BRINP3: variants seen among roughly 807,000 people sequenced by gnomAD.
BRINP3 encodes BMP/retinoic acid inducible neural specific 3.
In BRINP3, 19 loss-of-function variants were observed where a neutral mutation model predicts 71.0. That is an observed-to-expected ratio of 0.27 (90% CI 0.19 to 0.39). BRINP3 has a LOEUF of 0.39. Among genes scored for constraint, BRINP3 ranks in the 10% least tolerant of loss-of-function variants. BRINP3 has a pLI of 1.00. For synonymous variants in BRINP3, 380 were observed against 337.7 expected (o/e 1.13, Z -1.37); for missense variants, 959 against 940.8 (o/e 1.02, Z -0.25).
At chr1:190,462,223 A>G (rs1676444331) in intron 1 of BRINP3, among the ~76,000 whole-genome samples, 1 of 152,120 alleles carries the variant, frequency 6.6e-6, no homozygotes, top group Non-Finnish European at 1.5e-5. Flanking sequence ...AAAGCAAGAT[A>G]TTCTTAATGT....
At chr1:190,474,997 A>G (rs1677409077) in intron 1 of BRINP3, among the ~76,000 whole-genome samples, 1 of 152,084 alleles carries the variant, frequency 6.6e-6, no homozygotes, top group East Asian at 1.9e-4. Context: ...TAAGCTAGAC[A>G]GATTCCAAAC....
At chr1:190,459,147 A>T (rs565004370) in intron 1 of BRINP3, among the ~76,000 whole-genome samples, 8 of 151,558 alleles carry the variant, frequency 5.3e-5, no homozygotes, top group South Asian at 4.2e-4. Context: ...AAAAAAAAAA[A>T]AAATAACTGT....
chr1:190,477,319 A>G (rs1256937811), intron 1 of BRINP3, 129 bp downstream of exon 1: 1 of 152,242 alleles, frequency 6.6e-6, no homozygotes, highest in Non-Finnish European at 1.5e-5. Context: ...TAATTAATAA[A>G]TATGGCCATA....
At chr1:190,296,442 T>C (rs1033384808) in intron 2 of BRINP3, among the ~76,000 whole-genome samples, 1 of 152,054 alleles carries the variant, frequency 6.6e-6, no homozygotes, top group African/African-American at 2.4e-5. Context: ...GGATTATATA[T>C]GACAATCCTA....
At chr1:190,133,029 T>C (rs1340990972) in intron 7 of BRINP3, among the ~76,000 whole-genome samples, 1 of 152,066 alleles carries the variant, frequency 6.6e-6, no homozygotes, top group Non-Finnish European at 1.5e-5. Flanking sequence ...GGCCTACATA[T>C]GACTGCAGTC....
chr1:190,417,915 C>T (rs563076329), intron 2 of BRINP3, among the ~76,000 whole-genome samples: 14 of 152,194 alleles, frequency 9.2e-5, no homozygotes, highest in Non-Finnish European at 1.8e-4. Flanking sequence ...TTATTCAACT[C>T]GATTCTGATC....
chr1:190,386,453 T>C (rs979940785), intron 2 of BRINP3, among the ~76,000 whole-genome samples: 1 of 151,760 alleles, frequency 6.6e-6, no homozygotes, highest in Non-Finnish European at 1.5e-5. Context: ...AGTTTTATTA[T>C]TTTAAATGTC....
intron 2 of BRINP3, among the ~76,000 whole-genome samples, chr1:190,287,366 T>C (rs1318435225): frequency 1.3e-5 from 2 of 152,184 alleles, no homozygotes; most frequent in South Asian, 4.1e-4. Flanking sequence ...ATAAAACAGC[T>C]AAATGCTCAG....
In BRINP3 at chr1:190,191,487, T is replaced by C. The variant is rs145466628; in HGVS notation, c.962-30597A>G. ...GGTCTCAATTTTCAACTCCCACTTA[T>C]GAGTGCGAACAAGTGGTGTTTGATT... On this transcript the variant is annotated intron_variant, in intron 6 of 7. Coordinates refer to ENST00000367462, the MANE Select transcript of BRINP3 (RefSeq NM_199051.3). 4.2e-3 allele frequency among the ~76,000 whole-genome samples: 645 copies of C among 152,210 alleles called. 5 individuals carry two copies. The highest frequency in any genetic ancestry group is 0.013 in the African/African-American group (526 of 41,548).
intron 7 of BRINP3, among the ~76,000 whole-genome samples, chr1:190,107,435 A>T (rs1188369395): frequency 1.3e-5 from 2 of 151,914 alleles, no homozygotes; most frequent in Non-Finnish European, 2.9e-5. Context: ...CCAGTTTAAG[A>T]TTTAAATTCA....
rs1357827642 is a variant in BRINP3 at position 190,300,148 on chromosome 1, C to A, written c.237-18398G>T. 2.6e-5 allele frequency among the ~76,000 whole-genome samples: 4 copies of A among 152,240 alleles called. No individual in the cohort carries two copies. The East Asian group carries it at 7.7e-4, about 29-fold the overall frequency. The stretch of plus-strand genomic sequence containing the variant: ...TGGATAATATCCTGCAGAGTGTTTT[C>A]CAACTTGGTTCCATTCTCCCCATCA... On this transcript the variant is annotated intron_variant, in intron 2 of 7. Coordinates refer to ENST00000367462, the MANE Select transcript of BRINP3 (RefSeq NM_199051.3).
At chr1:190,118,693 A>G (rs1653357100) in intron 7 of BRINP3, among the ~76,000 whole-genome samples, 1 of 152,208 alleles carries the variant, frequency 6.6e-6, no homozygotes, top group Non-Finnish European at 1.5e-5. Context: ...GCCTTTCCAC[A>G]AAACCAGCTT....
intron 1 of BRINP3, among the ~76,000 whole-genome samples, chr1:190,457,647 G>T (rs1475071174): frequency 6.6e-6 from 1 of 152,080 alleles, no homozygotes; most frequent in African/African-American, 2.4e-5. Context: ...ATATGGTAAG[G>T]ACATGTGGTA....
At chr1:190,385,729 A>G (rs1271450955) in intron 2 of BRINP3, among the ~76,000 whole-genome samples, 5 of 152,046 alleles carry the variant, frequency 3.3e-5, no homozygotes, top group East Asian at 1.9e-4. Context: ...TCCCATTACT[A>G]GGTATATACC....
At chr1:190,468,936 A>G (rs1342823710) in intron 1 of BRINP3, among the ~76,000 whole-genome samples, 1 of 150,974 alleles carries the variant, frequency 6.6e-6, no homozygotes, top group Non-Finnish European at 1.5e-5. Context: ...AGCTAGATTC[A>G]CTTCTCTAGT....
chr1:190,412,232 T>C (rs1031069204), intron 2 of BRINP3, among the ~76,000 whole-genome samples: 2 of 151,932 alleles, frequency 1.3e-5, no homozygotes, highest in Non-Finnish European at 2.9e-5. Context: ...AAGTTAATGG[T>C]ATTACTTGGT....
chr1:190,112,832 C>G (rs972428050), intron 7 of BRINP3, among the ~76,000 whole-genome samples: 10 of 152,056 alleles, frequency 6.6e-5, no homozygotes, highest in African/African-American at 2.2e-4. Context: ...GAGAATTGTA[C>G]TGAAACATTA....
At chr1:190,411,998 C>A (rs1672698727) in intron 2 of BRINP3, among the ~76,000 whole-genome samples, 1 of 152,150 alleles carries the variant, frequency 6.6e-6, no homozygotes, top group Admixed American at 6.5e-5. Context: ...TCCTACCACA[C>A]AGCCTCAGGC....
intron 2 of BRINP3, among the ~76,000 whole-genome samples, chr1:190,343,130 T>C (rs925609927): frequency 5.9e-5 from 9 of 151,800 alleles, no homozygotes; most frequent in Admixed American, 2.0e-4. Flanking sequence ...TATTGATTTA[T>C]TAAACTGAGG....
Sources: allele counts gnomAD v4.1 joint callset (sites outside exome capture counted in the v4.1 genomes callset), GRCh38; gene constraint gnomAD v4.1.1; transcripts MANE v1.5; gene names NCBI Gene and HGNC (gene_info 2026-07-23, HGNC 2026-07-21).